Variants in UNC5D observed in about 807,000 individuals in gnomAD.
The protein encoded by UNC5D is netrin receptor UNC5D.
Under a neutral mutation model 105.4 loss-of-function variants are expected in UNC5D, and 39 were observed. That is an observed-to-expected ratio of 0.37 (90% CI 0.29 to 0.48). The LOEUF (loss-of-function observed/expected upper bound fraction) is 0.48, where lower values mean the gene tolerates loss of function less well. Ranked by LOEUF, UNC5D falls within the 20% of genes least tolerant of loss-of-function variation. UNC5D has a pLI of 0.98. For missense variants in UNC5D, 991 were observed against 1,202.4 expected (o/e 0.82, Z 2.60); for synonymous variants, 452 against 450.4 (o/e 1.00, Z -0.04).
chr8:35,386,038 ATTG>A (rs1479318908), intron 1 of UNC5D, among the ~76,000 whole-genome samples: 2 of 152,172 alleles, frequency 1.3e-5, no homozygotes, highest in African/African-American at 2.4e-5. Flanking sequence ...GCATGAAATA[ATTG>A]TTGTTCATAC....
At chr8:35,319,805 GAA>G (rs35966630) in intron 1 of UNC5D, among the ~76,000 whole-genome samples, 4 of 145,684 alleles carry the variant, frequency 2.7e-5, no homozygotes, top group South Asian at 2.2e-4. Flanking sequence ...TAGAAATGGA[GAA>G]AAAAAAAAAG....
chr8:35,525,489 C>G (rs373836784), intron 1 of UNC5D: 17 of 1,612,172 alleles, frequency 1.1e-5, no homozygotes, highest in Non-Finnish European at 1.7e-6. Context: ...CTTCTCTGTC[C>G]GTGCTTTGCT....
chr8:35,607,288 T>C (rs1045433873), intron 4 of UNC5D, among the ~76,000 whole-genome samples: 3 of 152,182 alleles, frequency 2.0e-5, no homozygotes, highest in African/African-American at 7.2e-5. Flanking sequence ...GTTACTCACT[T>C]CCTATATTAG....
intron 1 of UNC5D, among the ~76,000 whole-genome samples, chr8:35,316,906 A>G (rs1809347223): frequency 6.6e-6 from 1 of 152,158 alleles, no homozygotes; most frequent in Non-Finnish European, 1.5e-5. Flanking sequence ...CGTCGAAAGC[A>G]ACCATGACAG....
intron 1 of UNC5D, among the ~76,000 whole-genome samples, chr8:35,444,794 C>G (rs1008742741): frequency 6.6e-6 from 1 of 151,852 alleles, no homozygotes; most frequent in Non-Finnish European, 1.5e-5. Flanking sequence ...TTCCAAGATT[C>G]CATAGTAATA....
intron 1 of UNC5D, among the ~76,000 whole-genome samples, chr8:35,294,892 G>A (rs563027342): frequency 1.3e-5 from 2 of 152,004 alleles, no homozygotes; most frequent in African/African-American, 4.8e-5. Context: ...TGTATCCTGT[G>A]GTGTTATTCG....
chr8:35,787,450 C>G (rs1458754588), intron 16 of UNC5D, among the ~76,000 whole-genome samples: 1 of 152,140 alleles, frequency 6.6e-6, no homozygotes, highest in Non-Finnish European at 1.5e-5. Flanking sequence ...AGAGTCCACT[C>G]AGGCCTCGTC....
intron 1 of UNC5D, among the ~76,000 whole-genome samples, chr8:35,411,985 AAG>A (rs1259239512): frequency 6.6e-6 from 1 of 152,080 alleles, no homozygotes; most frequent in African/African-American, 2.4e-5. Context: ...GAAATCATTA[AAG>A]AGAGAGGAGT....
chr8:35,753,064 A>G (rs182354607), intron 13 of UNC5D, among the ~76,000 whole-genome samples: 23 of 152,116 alleles, frequency 1.5e-4, no homozygotes, highest in African/African-American at 4.6e-4. Flanking sequence ...CAGATCATCT[A>G]TTTTCACCTC....
intron 14 of UNC5D, 92 bp from the exon 15 acceptor site, chr8:35,766,810 C>T (rs1462867364): frequency 1.5e-6 from 2 of 1,363,824 alleles, no homozygotes; most frequent in East Asian, 4.8e-5. Context: ...TTGTCGTCAT[C>T]ATCATCATCA....
chr8:35,259,303 T>A (rs564239012), intron 1 of UNC5D, among the ~76,000 whole-genome samples: 13 of 152,012 alleles, frequency 8.6e-5, no homozygotes, highest in African/African-American at 3.1e-4. Flanking sequence ...GGCTGGCTGG[T>A]AGTTAGGATG....
chr8:35,240,752 A>G (rs560827169), intron 1 of UNC5D, among the ~76,000 whole-genome samples: 1 of 152,330 alleles, frequency 6.6e-6, no homozygotes, highest in East Asian at 1.9e-4. Context: ...CTCAAATGAT[A>G]TCTTTATTAC....
intron 2 of UNC5D, 142 bp from the exon 3 acceptor site, chr8:35,567,948 GTAATATAT>G: frequency 8.1e-7 from 1 of 1,235,860 alleles, no homozygotes. Context: ...TTAATTAGCA[GTAATATAT>G]TATTGTCAAA....
chr8:35,739,147 G>A lies in UNC5D; in HGVS notation c.1766+8051G>A, dbSNP rs1829621031. Among the ~76,000 whole-genome samples, 3 of 152,054 alleles carry A rather than the reference G, an allele frequency of 2.0e-5. No individual in the cohort carries two copies. The South Asian group carries it at 6.2e-4, about 32-fold the overall frequency. On this transcript the variant is annotated intron_variant, in intron 11 of 16. Transcript: ENST00000404895. Reference sequence around the variant, plus strand: ...CCAGTGCCATGCAGTGTAACAAAAAGGGCAATTTATCAAATAGTATCTTAA... The same window carrying A: ...CCAGTGCCATGCAGTGTAACAAAAAAGGCAATTTATCAAATAGTATCTTAA...
intron 12 of UNC5D, 110 bp from the exon 13 acceptor site, chr8:35,750,472 T>C: frequency 8.7e-7 from 1 of 1,147,450 alleles, no homozygotes; most frequent in Non-Finnish European, 1.3e-6. Flanking sequence ...AATAGGACTA[T>C]TCTGAAAACA....
intron 4 of UNC5D, among the ~76,000 whole-genome samples, chr8:35,604,679 A>G (rs2130945165): frequency 6.6e-6 from 1 of 152,216 alleles, no homozygotes; most frequent in African/African-American, 2.4e-5. Context: ...TTTCAGGTAT[A>G]CCAATTAGAC....
At chr8:35,730,909 GA>G (rs1829156597) in intron 10 of UNC5D, 102 bp from the exon 11 acceptor site, 1 of 953,596 alleles carries the variant, frequency 1.0e-6, no homozygotes, top group Non-Finnish European at 1.6e-6. Flanking sequence ...AAATTGCCAT[GA>G]GAAAGTAGCT....
At chr8:35,412,793 G>T (rs1183038348) in intron 1 of UNC5D, among the ~76,000 whole-genome samples, 1 of 152,070 alleles carries the variant, frequency 6.6e-6, no homozygotes, top group Non-Finnish European at 1.5e-5. Flanking sequence ...GATGGCTCCA[G>T]TGCTCTCCTA....
At chr8:35,373,715 G>A (rs192979692) in intron 1 of UNC5D, among the ~76,000 whole-genome samples, 1 of 152,194 alleles carries the variant, frequency 6.6e-6, no homozygotes, top group Non-Finnish European at 1.5e-5. Flanking sequence ...GCTGAGAGAA[G>A]AGATTAGAGT....
Sources: gnomAD v4.1 joint callset for allele counts (sites outside exome capture counted in the v4.1 genomes callset) on GRCh38, gnomAD v4.1.1 for gene constraint, MANE v1.5 for transcripts, NCBI Gene and HGNC (gene_info 2026-07-23, HGNC 2026-07-21) for gene names.